Variants in ST6GALNAC3 observed in about 807,000 individuals in gnomAD.
The protein encoded by ST6GALNAC3 is ST6 N-acetylgalactosaminide alpha-2,6-sialyltransferase 3.
In ST6GALNAC3, 25 loss-of-function variants were observed where a neutral mutation model predicts 32.7. That is an observed-to-expected ratio of 0.76 (90% CI 0.56 to 1.07). The LOEUF is 1.07. Ranked by LOEUF, ST6GALNAC3 falls within the 50% of genes least tolerant of loss-of-function variation. ST6GALNAC3 has a pLI of 0.00. For synonymous variants in ST6GALNAC3, 129 were observed against 133.1 expected (o/e 0.97, Z 0.21); for missense variants, 355 against 382.4 (o/e 0.93, Z 0.60).
chr1:76,271,556 C>G (rs547271575), intron 1 of ST6GALNAC3, among the ~76,000 whole-genome samples: 5 of 152,286 alleles, frequency 3.3e-5, no homozygotes, highest in African/African-American at 1.2e-4. Flanking sequence ...AAGAACATTA[C>G]ATAGTATGTG....
At chr1:76,618,241 G>T (rs909639369) in intron 3 of ST6GALNAC3, among the ~76,000 whole-genome samples, 2 of 152,224 alleles carry the variant, frequency 1.3e-5, no homozygotes, top group African/African-American at 4.8e-5. Context: ...AGAGCCAGTA[G>T]AAGAATGGAG....
intron 2 of ST6GALNAC3, among the ~76,000 whole-genome samples, chr1:76,361,790 C>T (rs1335443607): frequency 6.6e-6 from 1 of 151,876 alleles, no homozygotes; most frequent in African/African-American, 2.4e-5. Context: ...ACCAGCCTGT[C>T]CAACTTGGTG....
At chr1:76,294,535 G>A (rs1461806400) in intron 1 of ST6GALNAC3, among the ~76,000 whole-genome samples, 1 of 152,076 alleles carries the variant, frequency 6.6e-6, no homozygotes, top group East Asian at 1.9e-4. Flanking sequence ...GATTTGATTA[G>A]ATTAGCTTTA....
At chr1:76,474,673 C>G (rs541206921) in intron 3 of ST6GALNAC3, among the ~76,000 whole-genome samples, 1 of 152,258 alleles carries the variant, frequency 6.6e-6, no homozygotes, top group African/African-American at 2.4e-5. Context: ...GCAGTCAGCT[C>G]TACTTCCCTG....
chr1:76,497,926 G>A (rs1660958393), intron 3 of ST6GALNAC3, among the ~76,000 whole-genome samples: 1 of 152,172 alleles, frequency 6.6e-6, no homozygotes, highest in Non-Finnish European at 1.5e-5. Context: ...GCTCTTCAAA[G>A]GGAGGGCCTC....
At chr1:76,286,289 T>C (rs1005872880) in intron 1 of ST6GALNAC3, among the ~76,000 whole-genome samples, 1 of 152,172 alleles carries the variant, frequency 6.6e-6, no homozygotes, top group African/African-American at 2.4e-5. Context: ...AAAACCACAG[T>C]GTAAAATCAC....
intron 3 of ST6GALNAC3, among the ~76,000 whole-genome samples, chr1:76,522,800 A>G (rs1269253155): frequency 6.6e-6 from 1 of 152,206 alleles, no homozygotes; most frequent in Admixed American, 6.5e-5. Flanking sequence ...ACACCTGGAA[A>G]GTCATGAACA....
At chr1:76,141,109 C>A (rs1650294266) in intron 1 of ST6GALNAC3, among the ~76,000 whole-genome samples, 1 of 152,108 alleles carries the variant, frequency 6.6e-6, no homozygotes. Flanking sequence ...CCCTGGCAGC[C>A]CATCTACTGA....
intron 2 of ST6GALNAC3, among the ~76,000 whole-genome samples, chr1:76,383,469 G>T (rs1276658424): frequency 6.7e-6 from 1 of 149,844 alleles, no homozygotes; most frequent in African/African-American, 2.5e-5. Flanking sequence ...TAGAGGCAGG[G>T]TCTCTCTATA....
intron 3 of ST6GALNAC3, among the ~76,000 whole-genome samples, chr1:76,422,510 C>CA (rs904400542): frequency 1.3e-5 from 2 of 152,084 alleles, no homozygotes; most frequent in Admixed American, 6.6e-5. Context: ...GGGGAAACAG[C>CA]AAAAATGTCT....
chr1:76,079,812 C>A (rs889202394), intron 1 of ST6GALNAC3, among the ~76,000 whole-genome samples: 14 of 152,316 alleles, frequency 9.2e-5, no homozygotes, highest in African/African-American at 2.9e-4. Context: ...ACTTTCCATC[C>A]TTACTCCCCC....
At chr1:76,272,648 G>A (rs1252540840) in intron 1 of ST6GALNAC3, among the ~76,000 whole-genome samples, 3 of 152,166 alleles carry the variant, frequency 2.0e-5, no homozygotes, top group South Asian at 4.1e-4. Flanking sequence ...CTGGTGTAGC[G>A]TGATGGGTCC....
intron 1 of ST6GALNAC3, among the ~76,000 whole-genome samples, chr1:76,205,613 A>G (rs1196557053): frequency 1.3e-5 from 2 of 152,194 alleles, no homozygotes; most frequent in Non-Finnish European, 2.9e-5. Context: ...GCAGTTATGA[A>G]TGAGACCCTC....
chr1:76,398,974 A>G lies in ST6GALNAC3; in HGVS notation c.214-13034A>G, dbSNP rs148030527. Among the ~76,000 whole-genome samples, 3 of 152,320 alleles carry G rather than the reference A, an allele frequency of 2.0e-5. No homozygotes were observed. In the East Asian group the frequency reaches 5.8e-4, roughly 29 times the overall value. ...TTTTAAAATTGGCATTTTCTGGATT[A>G]TGAATGATAAGGACCTTTTCTTGTG... On this transcript the variant is annotated intron_variant, in intron 2 of 4. Coordinates refer to ENST00000328299, the MANE Select transcript of ST6GALNAC3 (RefSeq NM_152996.4).
chr1:76,294,404 T>C (rs1469986944), intron 1 of ST6GALNAC3, among the ~76,000 whole-genome samples: 1 of 152,078 alleles, frequency 6.6e-6, no homozygotes, highest in African/African-American at 2.4e-5. Context: ...CAGAATTGTT[T>C]GTAGGGAAAA....
rs189597598 is a variant in ST6GALNAC3 at position 76,118,971 on chromosome 1, C to T, written c.18+44087C>T. ...CTGAGTAGCTGGGATTACAGGCGTG[C>T]GCCACCATGCCCAGCTAATTTTTGT... On this transcript the variant is annotated intron_variant, in intron 1 of 4. Coordinates refer to ENST00000328299, the MANE Select transcript of ST6GALNAC3 (RefSeq NM_152996.4). Among the ~76,000 whole-genome samples the T allele has an allele frequency of 3.9e-3, 594 of 152,196 alleles. 4 individuals are homozygous for T. Among genetic ancestry groups the T allele is most frequent in the African/African-American group, 0.014 (562 of 41,510 alleles).
chr1:76,317,952 G>A (rs983938105), intron 2 of ST6GALNAC3, among the ~76,000 whole-genome samples: 1 of 152,054 alleles, frequency 6.6e-6, no homozygotes, highest in African/African-American at 2.4e-5. Context: ...CCTTTGGATT[G>A]GCACAAGTGA....
chr1:76,416,308 C>T (rs1213913973), intron 3 of ST6GALNAC3, among the ~76,000 whole-genome samples: 1 of 151,992 alleles, frequency 6.6e-6, no homozygotes, highest in African/African-American at 2.4e-5. Context: ...TAAGGGGTGT[C>T]CATTTAATTT....
intron 3 of ST6GALNAC3, among the ~76,000 whole-genome samples, chr1:76,518,035 A>T (rs1662279355): frequency 6.6e-6 from 1 of 152,000 alleles, no homozygotes; most frequent in African/African-American, 2.4e-5. Context: ...AACTTTTAAT[A>T]TTGAATAATC....
Sources: allele counts gnomAD v4.1 joint callset (sites outside exome capture counted in the v4.1 genomes callset), GRCh38; gene constraint gnomAD v4.1.1; transcripts MANE v1.5; gene names NCBI Gene and HGNC (gene_info 2026-07-23, HGNC 2026-07-21).